Variants in RAB18 observed in about 807,000 individuals in gnomAD.
RAB18 encodes RAB18, member RAS oncogene family.
A neutral mutation model predicts 28.5 loss-of-function variants in RAB18; 10 were observed. That is an observed-to-expected ratio of 0.35 (90% CI 0.22 to 0.60). The LOEUF is 0.60. RAB18 is among the 20% of genes least tolerant of loss of function. The pLI is 0.78. For synonymous variants in RAB18, 93 were observed against 86.9 expected, an observed-to-expected ratio of 1.07 and a Z score of -0.39; for missense variants, 188 against 244.2, an observed-to-expected ratio of 0.77 and a Z score of 1.53.
At chr10:27,526,621 C>T (rs1299150900) in intron 2 of RAB18, among the ~76,000 whole-genome samples, 2 of 152,204 alleles carry the variant, frequency 1.3e-5, no homozygotes, top group African/African-American at 4.8e-5. Context: ...GTGAATTCTA[C>T]AAGCATTTGA....
At chr10:27,532,217 C>T (rs1160285288) in intron 3 of RAB18, among the ~76,000 whole-genome samples, 1 of 151,882 alleles carries the variant, frequency 6.6e-6, no homozygotes, top group African/African-American at 2.4e-5. Flanking sequence ...TTTCATTGTG[C>T]AGCTGGAGTT....
chr10:27,505,462 C>T (rs979895636), intron 1 of RAB18, among the ~76,000 whole-genome samples: 3 of 152,146 alleles, frequency 2.0e-5, no homozygotes, highest in Admixed American at 1.3e-4. Context: ...GAAAGCTCTC[C>T]TCAAATAACT....
At chr10:27,524,529 A>G (rs1834634307) in intron 2 of RAB18, among the ~76,000 whole-genome samples, 1 of 152,254 alleles carries the variant, frequency 6.6e-6, no homozygotes, top group Admixed American at 6.5e-5. Flanking sequence ...GTGCAACATG[A>G]AAATTTACCA....
chr10:27,513,041 T>A (rs1272376641), intron 2 of RAB18, among the ~76,000 whole-genome samples: 1 of 148,492 alleles, frequency 6.7e-6, no homozygotes, highest in African/African-American at 2.5e-5. Flanking sequence ...TATTTTTTTT[T>A]TTTTTTTGGA....
intron 2 of RAB18, among the ~76,000 whole-genome samples, chr10:27,523,712 G>A (rs1834614697): frequency 6.7e-6 from 1 of 149,244 alleles, no homozygotes; most frequent in African/African-American, 2.5e-5. Context: ...TTTCAGGCTC[G>A]ATCCATCCTT....
chr10:27,515,788 C>CT (rs1834426817), intron 2 of RAB18, among the ~76,000 whole-genome samples: 1 of 151,956 alleles, frequency 6.6e-6, no homozygotes, highest in African/African-American at 2.4e-5. Flanking sequence ...ATTATCTGTT[C>CT]TTTAAAGGTT....
rs773362297 is a variant in RAB18, at chr10:27,539,141, TAATA to T, written c.*1094_*1097del. ...TTCATCAAAACCAACTTGTACAGACTAATAAATCTTTTTCACAGTATTCAGTTTT... is the reference window on the plus strand; with the variant it reads ...TTCATCAAAACCAACTTGTACAGACTAATCTTTTTCACAGTATTCAGTTTT... On this transcript the variant is annotated 3_prime_UTR_variant, in exon 7 of 7. Transcript: ENST00000356940. 2.7e-6 allele frequency: 1 copy of T among 365,996 alleles called. No homozygotes were observed. The allele number at this position is 365,996 out of a possible 1,614,324, so 22.7% of individuals were successfully genotyped here. A position where few individuals can be genotyped will look rare whatever the true frequency, so the allele number is the denominator to read the frequency against.
chr10:27,526,458 C>CT (rs1026026180), intron 2 of RAB18, among the ~76,000 whole-genome samples: 41 of 152,140 alleles, frequency 2.7e-4, no homozygotes, highest in African/African-American at 9.7e-4. Context: ...TAGGGAGCCC[C>CT]TGGAAGCTGC....
At chr10:27,526,734 A>G in intron 2 of RAB18, 94 bp from the exon 3 acceptor site, 1 of 1,511,522 alleles carries the variant, frequency 6.6e-7, no homozygotes, top group East Asian at 2.3e-5. Context: ...TGGGCATTTG[A>G]TAATAGTGAC....
At chr10:27,515,236 T>G (rs181379975) in intron 2 of RAB18, among the ~76,000 whole-genome samples, 74 of 152,280 alleles carry the variant, frequency 4.9e-4, no homozygotes, top group African/African-American at 1.7e-3. Flanking sequence ...GCATGGAAAT[T>G]AGATCCTGTA....
chr10:27,537,999 GGGAAGAAGGCCAA>G lies in RAB18; in HGVS notation c.573_585del (p.Gly193GlufsTer24), dbSNP rs1207988122. 1 of 1,614,166 alleles carries G rather than the reference GGGAAGAAGGCCAA, an allele frequency of 6.2e-7. No homozygotes were observed. The stretch of plus-strand genomic sequence containing the variant: ...AATAAAGGAGTCAAACTGTCACACA[GGGAAGAAGGCCAA>G]GGAGGAGGAGCCTGTGGTGGTTATT... On this transcript the variant is annotated frameshift_variant, in exon 7 of 7. Transcript: ENST00000356940. LOFTEE classifies it high-confidence loss of function.
intron 2 of RAB18, among the ~76,000 whole-genome samples, chr10:27,515,760 AACTT>A (rs1834426231): frequency 2.0e-5 from 3 of 152,120 alleles, no homozygotes; most frequent in African/African-American, 7.2e-5. Flanking sequence ...TTTCATGACA[AACTT>A]AAATAATATT....
chr10:27,537,215 AG>A (rs1834918281), intron 6 of RAB18, among the ~76,000 whole-genome samples: 1 of 152,222 alleles, frequency 6.6e-6, no homozygotes, highest in South Asian at 2.1e-4. Context: ...TGGGATGATC[AG>A]GCAGTTCTTG....
At chr10:27,521,540 A>G (rs1447260595) in intron 2 of RAB18, among the ~76,000 whole-genome samples, 2 of 152,190 alleles carry the variant, frequency 1.3e-5, no homozygotes, top group Non-Finnish European at 2.9e-5. Flanking sequence ...AAATAATGAC[A>G]TTTGCAGCAA....
intron 2 of RAB18, among the ~76,000 whole-genome samples, chr10:27,523,138 A>G (rs1224104188): frequency 1.3e-5 from 2 of 151,898 alleles, no homozygotes. Flanking sequence ...AGTGCTATAA[A>G]TGTTCCTATT....
At chr10:27,534,147 T>C (rs991727508) in intron 6 of RAB18, among the ~76,000 whole-genome samples, 153 bp downstream of exon 6, 14 of 152,190 alleles carry the variant, frequency 9.2e-5, no homozygotes, top group African/African-American at 2.9e-4. Context: ...TATAACAAGG[T>C]TCTTTATTCT....
intron 3 of RAB18, among the ~76,000 whole-genome samples, chr10:27,532,083 G>T (rs1834799688): frequency 6.6e-6 from 1 of 151,568 alleles, no homozygotes; most frequent in South Asian, 2.1e-4. Flanking sequence ...CAAATCAGTG[G>T]TTCTCAGCCT....
intron 6 of RAB18, among the ~76,000 whole-genome samples, chr10:27,537,579 A>G (rs1395831877): frequency 6.6e-6 from 1 of 152,212 alleles, no homozygotes; most frequent in Admixed American, 6.5e-5. Flanking sequence ...TAAGGAAAAA[A>G]CTTTCGCTCG....
intron 2 of RAB18, among the ~76,000 whole-genome samples, chr10:27,525,879 G>T (rs981598436): frequency 1.3e-5 from 2 of 152,204 alleles, no homozygotes; most frequent in African/African-American, 4.8e-5. Flanking sequence ...TGAGGGTGCT[G>T]TTCATCTTAG....
Sources: gnomAD v4.1 joint callset for allele counts (sites outside exome capture counted in the v4.1 genomes callset) on GRCh38, gnomAD v4.1.1 for gene constraint, MANE v1.5 for transcripts, NCBI Gene and HGNC (gene_info 2026-07-23, HGNC 2026-07-21) for gene names.